Variants in SV2C observed in about 807,000 individuals in gnomAD.
The protein encoded by SV2C is solute carrier family 22 member B3.
Under a neutral mutation model 79.7 loss-of-function variants are expected in SV2C, and 49 were observed. The ratio of observed to expected loss-of-function variants is 0.61; its 90% CI spans 0.49 to 0.78. The LOEUF is 0.78. SV2C is among the 30% of genes least tolerant of loss of function. The pLI, the probability that SV2C is intolerant of heterozygous loss-of-function variation, is 0.00. For synonymous variants in SV2C, 334 were observed against 333.2 expected, an observed-to-expected ratio of 1.00 and a Z score of -0.03; for missense variants, 833 against 912.9, an observed-to-expected ratio of 0.91 and a Z score of 1.13.
intron 2 of SV2C, among the ~76,000 whole-genome samples, chr5:76,152,713 C>T (rs1749641700): frequency 6.6e-6 from 1 of 152,184 alleles, no homozygotes; most frequent in Admixed American, 6.5e-5. Context: ...AGAGGATCCT[C>T]TAACACTGCA....
chr5:76,349,611 C>T (rs1749609636), intron 12 of SV2C, among the ~76,000 whole-genome samples: 1 of 151,850 alleles, frequency 6.6e-6, no homozygotes, highest in African/African-American at 2.4e-5. Context: ...TAGAAAAAAT[C>T]CTTGAAAGTT....
intron 2 of SV2C, among the ~76,000 whole-genome samples, chr5:76,143,400 T>C (rs1263044920): frequency 6.6e-6 from 1 of 152,146 alleles, no homozygotes; most frequent in Non-Finnish European, 1.5e-5. Context: ...CGTCCAACTC[T>C]ATGTTAGCAT....
chr5:75,934,031 T>A, the SV2C span, among the ~76,000 whole-genome samples: 1 of 152,220 alleles, frequency 6.6e-6, no homozygotes, highest in Non-Finnish European at 1.5e-5. Flanking sequence ...TTATAAGGAT[T>A]ATCACATTCA....
chr5:76,068,751 A>G, the SV2C span, among the ~76,000 whole-genome samples: 5 of 152,224 alleles, frequency 3.3e-5, no homozygotes, highest in Non-Finnish European at 5.9e-5. Context: ...AAATGTAACT[A>G]AGACAAAATA....
chr5:76,285,500 TC>T (rs1420993555), intron 5 of SV2C: 3 of 704,678 alleles, frequency 4.3e-6, no homozygotes, highest in Non-Finnish European at 6.8e-6. Flanking sequence ...CACTCATGTT[TC>T]TCCTTAAACA....
chr5:75,850,325 A>C, the SV2C span, among the ~76,000 whole-genome samples: 5 of 152,312 alleles, frequency 3.3e-5, no homozygotes, highest in African/African-American at 9.6e-5. Flanking sequence ...TGGTGTGATC[A>C]TGTTTTTCAC....
At chr5:75,886,945 C>G in the SV2C span, among the ~76,000 whole-genome samples, 3 of 152,096 alleles carry the variant, frequency 2.0e-5, no homozygotes, top group East Asian at 5.8e-4. Context: ...ATTCCCCTGA[C>G]CTAGGCAAAC....
chr5:76,057,637 A>G, the SV2C span, among the ~76,000 whole-genome samples: 1 of 152,128 alleles, frequency 6.6e-6, no homozygotes, highest in Non-Finnish European at 1.5e-5. Context: ...GTGACCTTAA[A>G]CAAGCTATTT....
chr5:75,968,502 C>T, the SV2C span, among the ~76,000 whole-genome samples: 3 of 152,166 alleles, frequency 2.0e-5, no homozygotes, highest in Admixed American at 2.0e-4. Context: ...GAGCTGAAAA[C>T]CACAGCAAGA....
At chr5:76,245,149 T>A (rs1025994767) in intron 4 of SV2C, among the ~76,000 whole-genome samples, 1 of 152,226 alleles carries the variant, frequency 6.6e-6, no homozygotes, top group Non-Finnish European at 1.5e-5. Flanking sequence ...AATTGCTCTC[T>A]ATATATTTAT....
the SV2C span, among the ~76,000 whole-genome samples, chr5:75,923,287 A>C: frequency 6.6e-6 from 1 of 152,236 alleles, no homozygotes; most frequent in Non-Finnish European, 1.5e-5. Context: ...TCAAAGACTT[A>C]GTTAAATCTA....
At chr5:75,917,443 A>G in the SV2C span, among the ~76,000 whole-genome samples, 1 of 152,252 alleles carries the variant, frequency 6.6e-6, no homozygotes, top group Non-Finnish European at 1.5e-5. Flanking sequence ...GTAAATAAAT[A>G]TTGACCACAG....
chr5:76,174,921 G>A (rs1271592514), intron 2 of SV2C, among the ~76,000 whole-genome samples: 1 of 152,208 alleles, frequency 6.6e-6, no homozygotes, highest in Non-Finnish European at 1.5e-5. Context: ...GTTTACTGCT[G>A]TTGCTGTGAA....
At chr5:75,940,616 G>A in the SV2C span, among the ~76,000 whole-genome samples, 157 of 152,240 alleles carry the variant, frequency 1.0e-3, no homozygotes, top group African/African-American at 3.6e-3. Context: ...ACTTCTTAAT[G>A]GGTGTGTTTC....
At chr5:76,210,939 T>C (rs1744750157) in intron 4 of SV2C, among the ~76,000 whole-genome samples, 1 of 152,232 alleles carries the variant, frequency 6.6e-6, no homozygotes, top group Non-Finnish European at 1.5e-5. Flanking sequence ...GTAATCTCTT[T>C]CATTTGTTTC....
the SV2C span, among the ~76,000 whole-genome samples, chr5:75,996,604 T>A: frequency 6.6e-6 from 1 of 152,170 alleles, no homozygotes; most frequent in Non-Finnish European, 1.5e-5. Context: ...TATTGATTCT[T>A]CCTACCCATG....
the SV2C span, among the ~76,000 whole-genome samples, chr5:76,073,503 G>GTATGTGTATATATATATATATA: frequency 1.5e-5 from 1 of 67,410 alleles, no homozygotes; most frequent in African/African-American, 6.6e-5. Context: ...GTATGTGTGT[G>GTATGTGTATATATATATATATA]TATATATATA....
the SV2C span, among the ~76,000 whole-genome samples, chr5:75,928,240 A>G: frequency 0.18 from 27,111 of 152,184 alleles, 2,483 homozygotes; most frequent in Middle Eastern, 0.21. Flanking sequence ...CCATTAAAAA[A>G]TGCTTTGTCC....
chr5:76,231,546 C>T (rs1745423267), intron 4 of SV2C, among the ~76,000 whole-genome samples: 1 of 148,918 alleles, frequency 6.7e-6, no homozygotes, highest in Admixed American at 6.6e-5. Flanking sequence ...ACTAACTCGT[C>T]ATCTAGCATT....
Sources: gnomAD v4.1 joint callset for allele counts (sites outside exome capture counted in the v4.1 genomes callset) on GRCh38, gnomAD v4.1.1 for gene constraint, MANE v1.5 for transcripts, NCBI Gene and HGNC (gene_info 2026-07-23, HGNC 2026-07-21) for gene names.